Variants in ANKRD30BL observed in about 807,000 individuals in gnomAD.
ANKRD30BL encodes putative ankyrin repeat domain-containing protein 30B-like.
Under a neutral mutation model 18.4 loss-of-function variants are expected in ANKRD30BL, and 20 were observed. The ratio of observed to expected loss-of-function variants is 1.09; its 90% CI spans 0.77 to 1.58. The LOEUF is 1.58. Among genes scored for constraint, ANKRD30BL ranks in the 40% most tolerant of loss-of-function variants. ANKRD30BL has a pLI of 0.00. For missense variants in ANKRD30BL, 224 were observed against 268.6 expected (o/e 0.83, Z 1.16); for synonymous variants, 72 against 100.9 (o/e 0.71, Z 1.72).
intron 1 of ANKRD30BL, among the ~76,000 whole-genome samples, chr2:132,169,746 C>T (rs996974575): frequency 2.6e-5 from 4 of 151,770 alleles, no homozygotes; most frequent in African/African-American, 4.8e-5. Flanking sequence ...AGGTATATGC[C>T]CCCAGGTGAA....
At chr2:132,182,703 A>G in intron 1 of ANKRD30BL, among the ~76,000 whole-genome samples, 1 of 152,120 alleles carries the variant, frequency 6.6e-6, no homozygotes, top group African/African-American at 2.4e-5. Flanking sequence ...CCAGATGATT[A>G]AAAAAATAGT....
At chr2:132,202,303 A>G (rs28505407) in intron 1 of ANKRD30BL, among the ~76,000 whole-genome samples, 4,344 of 150,614 alleles carry the variant, frequency 0.029, 228 homozygotes, top group African/African-American at 0.1. Context: ...ATAAACATAA[A>G]AAAGTACATC....
In ANKRD30BL at chr2:132,161,610, G is replaced by A. The variant is rs776058372; in HGVS notation, c.96C>T (p.Tyr32=). 1.9e-5 allele frequency: 28 copies of A among 1,452,774 alleles called. No homozygotes were observed. Among genetic ancestry groups the A allele is most frequent in the South Asian group, 7.3e-5 (6 of 81,960 alleles). 90.0% of individuals were successfully genotyped at this position (1,452,774 alleles called of 1,614,324 possible). The change falls in exon 1 of 6, where the codon TAC becomes TAT. Residue 32 remains tyrosine, a synonymous_variant. Coordinates refer to ENST00000409867, the MANE Select transcript of ANKRD30BL (RefSeq NM_001358416.1). ...TCCTGAGATCCCCATGGTGAATCAC[G>A]TAAGAGTCGTTGTTGGTGTAGACCA... ...SQLVYTNNDS[Y]VIHHGDLRKI... is the part of the protein sequence containing the mutation.
chr2:132,151,031 T>A (rs1687741944), intron 4 of ANKRD30BL, 55 bp from the exon 5 acceptor site: 1 of 523,360 alleles, frequency 1.9e-6, no homozygotes, highest in African/African-American at 2.0e-5. Context: ...ATATAAAAAA[T>A]ATTTACCAAA....
At chr2:132,189,881 G>A (rs551981914) in intron 1 of ANKRD30BL, among the ~76,000 whole-genome samples, 32 of 151,646 alleles carry the variant, frequency 2.1e-4, no homozygotes, top group African/African-American at 7.8e-4. Context: ...TTTTCAAGTG[G>A]AGAGAAAAAA....
At chr2:132,255,177 C>T (rs530019022) in intron 1 of ANKRD30BL, among the ~76,000 whole-genome samples, 45 of 152,320 alleles carry the variant, frequency 3.0e-4, no homozygotes, top group Non-Finnish European at 5.7e-4. Flanking sequence ...CTCCGACTTT[C>T]GTTCTTGATT....
intron 1 of ANKRD30BL, among the ~76,000 whole-genome samples, chr2:132,252,880 G>A (rs77639175): frequency 1.3e-5 from 2 of 152,166 alleles, no homozygotes; most frequent in African/African-American, 2.4e-5. Context: ...ACAGGAACTC[G>A]GCTGCAGCCG....
In ANKRD30BL at chr2:132,229,765, G is replaced by C. The variant is rs1238705410; in HGVS notation, n.441+27764C>G. Among the ~76,000 whole-genome samples, 4 of 152,030 alleles carry C rather than the reference G, an allele frequency of 2.6e-5. No homozygotes were observed. In the South Asian group the frequency reaches 8.3e-4, roughly 31 times the overall value. ...TGCAAGTGGACATTTGGAGAAATTT[G>C]AGGACTATGGTGGGAAAGGAAATAT... On this transcript the variant is annotated intron_variant and non_coding_transcript_variant, in intron 1 of 4. Coordinates refer to the ANKRD30BL transcript ENST00000470729.
intron 1 of ANKRD30BL, among the ~76,000 whole-genome samples, chr2:132,249,062 T>G (rs372343380): frequency 2.8e-4 from 41 of 144,624 alleles, no homozygotes; most frequent in Admixed American, 5.5e-4. Flanking sequence ...TTTACCTCTG[T>G]GAGATGAATG....
At chr2:132,220,710 G>T (rs200461949) in intron 1 of ANKRD30BL, among the ~76,000 whole-genome samples, 2 of 152,018 alleles carry the variant, frequency 1.3e-5, no homozygotes, top group Non-Finnish European at 2.9e-5. Flanking sequence ...ATCTCGGCTC[G>T]CTACAACCTC....
At chr2:132,156,395 A>G (rs1052109670) in intron 3 of ANKRD30BL, 2 of 152,188 alleles carry the variant, frequency 1.3e-5, no homozygotes, top group African/African-American at 2.4e-5. Context: ...ACTGTCTTCA[A>G]TAACTTGAAA....
rs1209402175 is a variant in ANKRD30BL, at chr2:132,196,120, C to T, written n.442-38974G>A. Among the ~76,000 whole-genome samples the T allele has an allele frequency of 3.5e-4, 50 of 143,760 alleles. 1 individual carries two copies. The highest frequency in any genetic ancestry group is 1.6e-3 in the Admixed American group (22 of 14,012). The allele number at this position is 143,760 out of a possible 152,430, so 94.3% of individuals were successfully genotyped here. ...TCGCGCCACTGCACGCCAGCCTGGG[C>T]GACAGAGCTAGAGTCCATCTCAAAA... On this transcript the variant is annotated intron_variant and non_coding_transcript_variant, in intron 1 of 4. Coordinates refer to the ANKRD30BL transcript ENST00000470729.
At chr2:132,246,503 T>A (rs7582502) in intron 1 of ANKRD30BL, among the ~76,000 whole-genome samples, 1 of 151,816 alleles carries the variant, frequency 6.6e-6, no homozygotes, top group Non-Finnish European at 1.5e-5. Context: ...TTCAGGAACT[T>A]CTTTGTGATG....
chr2:132,191,828 G>A (rs903736399), intron 1 of ANKRD30BL, among the ~76,000 whole-genome samples: 67 of 143,432 alleles, frequency 4.7e-4, no homozygotes, highest in African/African-American at 1.7e-3. Flanking sequence ...TGCAAGCTCT[G>A]CCTCCTGGGT....
At chr2:132,237,364 A>G (rs1213163938) in intron 1 of ANKRD30BL, among the ~76,000 whole-genome samples, 2 of 152,136 alleles carry the variant, frequency 1.3e-5, no homozygotes, top group Non-Finnish European at 2.9e-5. Flanking sequence ...CCTTTGATAC[A>G]GCAGTTTTGA....
intron 1 of ANKRD30BL, among the ~76,000 whole-genome samples, chr2:132,185,837 C>G (rs1688551257): frequency 6.6e-6 from 1 of 152,086 alleles, no homozygotes; most frequent in Admixed American, 6.6e-5. Flanking sequence ...ACTAAATTAT[C>G]CTTTCAAAAT....
chr2:132,234,248 T>C (rs538650762), intron 1 of ANKRD30BL, among the ~76,000 whole-genome samples: 1 of 151,864 alleles, frequency 6.6e-6, no homozygotes, highest in Non-Finnish European at 1.5e-5. Context: ...AGATAAAAAA[T>C]TGACACCCTA....
At chr2:132,203,581 T>C (rs12619404) in intron 1 of ANKRD30BL, among the ~76,000 whole-genome samples, 2,837 of 152,232 alleles carry the variant, frequency 0.019, 60 homozygotes, top group East Asian at 0.1. Flanking sequence ...TGCTTTCATA[T>C]TAATTTTTCA....
chr2:132,249,548 T>G (rs1241277615), intron 1 of ANKRD30BL, among the ~76,000 whole-genome samples: 3 of 151,950 alleles, frequency 2.0e-5, no homozygotes, highest in Non-Finnish European at 4.4e-5. Flanking sequence ...GTTACCAAAG[T>G]GCTCAATCAG....
Sources: gnomAD v4.1 joint callset for allele counts (sites outside exome capture counted in the v4.1 genomes callset) on GRCh38, gnomAD v4.1.1 for gene constraint, MANE v1.5 for transcripts, NCBI Gene and HGNC (gene_info 2026-07-23, HGNC 2026-07-21) for gene names.